The following ACER1 variants were observed in gnomAD, a reference collection of about 807,000 sequenced individuals.
The protein encoded by ACER1 is alkaline ceramidase 1.
Under a neutral mutation model 24.9 loss-of-function variants are expected in ACER1, and 28 were observed. That is an observed-to-expected ratio of 1.13 (90% confidence interval 0.83 to 1.54). ACER1 has a LOEUF of 1.54. ACER1 is among the 40% of genes most tolerant of loss of function. The pLI is 0.00. For synonymous variants in ACER1, 132 were observed against 131.4 expected (o/e 1.00, Z -0.03); for missense variants, 352 against 349.3 (o/e 1.01, Z -0.06).
At chr19:6,359,001 G>A in the ACER1 span, among the ~76,000 whole-genome samples, 2 of 151,342 alleles carry the variant, frequency 1.3e-5, no homozygotes, top group African/African-American at 4.9e-5. Context: ...GAAGGCTGAG[G>A]CAGGAGGATC....
chr19:6,341,447 C>T, the ACER1 span, among the ~76,000 whole-genome samples: 1 of 147,550 alleles, frequency 6.8e-6, no homozygotes. Context: ...ATTGCTTGAG[C>T]CTAAAGGTCG....
intron 4 of ACER1, among the ~76,000 whole-genome samples, chr19:6,308,432 T>C (rs1332659565): frequency 1.9e-5 from 1 of 53,390 alleles, no homozygotes; most frequent in Non-Finnish European, 3.7e-5. Flanking sequence ...TGAGACTCCG[T>C]CTCAAAAAAA....
chr19:6,355,880 C>T, the ACER1 span, among the ~76,000 whole-genome samples: 2 of 142,556 alleles, frequency 1.4e-5, no homozygotes, highest in Admixed American at 6.9e-5. Context: ...CCAGCCGCCT[C>T]GGTCCGGGAG....
At chr19:6,348,629 G>A in the ACER1 span, among the ~76,000 whole-genome samples, 1 of 134,480 alleles carries the variant, frequency 7.4e-6, no homozygotes, top group African/African-American at 3.1e-5. Flanking sequence ...TTTTGATATC[G>A]ACATGGAATG....
At chr19:6,343,314 G>A in the ACER1 span, among the ~76,000 whole-genome samples, 1 of 152,156 alleles carries the variant, frequency 6.6e-6, no homozygotes, top group East Asian at 1.9e-4. Context: ...GAAGGCTCAG[G>A]CAAGTGGGAA....
chr19:6,358,933 C>CAAAAAAAAAAAAAAAAAAAA, the ACER1 span, among the ~76,000 whole-genome samples: 1 of 75,398 alleles, frequency 1.3e-5, no homozygotes, highest in Non-Finnish European at 2.5e-5. Context: ...AACTCTGTCT[C>CAAAAAAAAAAAAAAAAAAAA]AAAAAAAAAA....
chr19:6,308,669 T>C (rs139201115), intron 4 of ACER1, among the ~76,000 whole-genome samples: 37 of 152,208 alleles, frequency 2.4e-4, no homozygotes, highest in African/African-American at 8.9e-4. Context: ...CCTCAAGCTC[T>C]CAAAGTGCTG....
the ACER1 span, among the ~76,000 whole-genome samples, chr19:6,355,966 A>G: frequency 2.6e-5 from 4 of 151,926 alleles, 1 homozygote; most frequent in African/African-American, 9.7e-5. Flanking sequence ...CCCGTCTGGG[A>G]GGTGTACCCA....
At chr19:6,333,797 G>C (rs1340362887), upstream of ACER1, among the ~76,000 whole-genome samples, 1 of 152,216 alleles carries the variant, frequency 6.6e-6, no homozygotes. Flanking sequence ...AAGTAGGCAG[G>C]GAAGAGGCCT....
the ACER1 span, among the ~76,000 whole-genome samples, chr19:6,346,088 A>G: frequency 6.6e-6 from 1 of 152,178 alleles, no homozygotes; most frequent in African/African-American, 2.4e-5. Context: ...GTTGCCAGAT[A>G]AAATACAGGA....
At chr19:6,328,867 G>T (rs2091674382) in intron 1 of ACER1, among the ~76,000 whole-genome samples, 1 of 151,844 alleles carries the variant, frequency 6.6e-6, no homozygotes, top group African/African-American at 2.4e-5. Context: ...TAGAGATGGG[G>T]TTTCATCGTG....
At chr19:6,350,996 T>C in the ACER1 span, among the ~76,000 whole-genome samples, 1 of 152,122 alleles carries the variant, frequency 6.6e-6, no homozygotes, top group Admixed American at 6.6e-5. Context: ...GTCATGTCTA[T>C]CTTGTCAGTC....
At chr19:6,357,134 T>C in the ACER1 span, among the ~76,000 whole-genome samples, 1 of 147,390 alleles carries the variant, frequency 6.8e-6, no homozygotes, top group African/African-American at 2.5e-5. Flanking sequence ...AACTTCTGCC[T>C]CCCGGGTTCA....
chr19:6,355,465 G>T, the ACER1 span, among the ~76,000 whole-genome samples: 1 of 147,920 alleles, frequency 6.8e-6, no homozygotes, highest in African/African-American at 2.6e-5. Context: ...GAGACCCTCC[G>T]CCTGGCAACC....
intron 1 of ACER1, among the ~76,000 whole-genome samples, chr19:6,316,722 A>G (rs2091604840): frequency 1.3e-5 from 2 of 150,952 alleles, no homozygotes; most frequent in Non-Finnish European, 2.9e-5. Context: ...CCAGAGGCTG[A>G]GACAGGACAA....
the ACER1 span, among the ~76,000 whole-genome samples, chr19:6,352,230 C>T: frequency 6.6e-6 from 1 of 152,060 alleles, no homozygotes; most frequent in Non-Finnish European, 1.5e-5. Flanking sequence ...CTCCTCTTCC[C>T]CTTGAATTTG....
chr19:6,348,172 AAAG>A, the ACER1 span, among the ~76,000 whole-genome samples: 1 of 151,894 alleles, frequency 6.6e-6, no homozygotes, highest in Non-Finnish European at 1.5e-5. Flanking sequence ...GGTCGTGGAT[AAAG>A]AAGAACAGGC....
intron 1 of ACER1, among the ~76,000 whole-genome samples, chr19:6,330,577 C>G (rs547826457): frequency 2.0e-5 from 3 of 150,100 alleles, no homozygotes; most frequent in Admixed American, 2.0e-4. Context: ...TTCCAAAGTA[C>G]TAGGATTAAA....
chr19:6,356,617 T>C, the ACER1 span, among the ~76,000 whole-genome samples: 8,697 of 152,000 alleles, frequency 0.057, 347 homozygotes, highest in African/African-American at 0.12. Context: ...TTGTTTATAA[T>C]GATCTCGCTT....
Sources: gnomAD v4.1 joint callset for allele counts (sites outside exome capture counted in the v4.1 genomes callset) on GRCh38, gnomAD v4.1.1 for gene constraint, MANE v1.5 for transcripts, NCBI Gene and HGNC (gene_info 2026-07-23, HGNC 2026-07-21) for gene names.